Variants in GRIA3 observed in about 807,000 individuals in gnomAD.
GRIA3 encodes glutamate receptor 3.
In GRIA3, 3 loss-of-function variants were observed where a neutral mutation model predicts 63.0. The observed-to-expected ratio is 0.05, with a 90% CI of 0.02 to 0.12. GRIA3 has a LOEUF of 0.12. Among genes scored for constraint, GRIA3 ranks in the 10% least tolerant of loss-of-function variants. GRIA3 has a pLI of 1.00. For missense variants in GRIA3, 347 were observed against 700.9 expected (o/e 0.50, Z 5.70); for synonymous variants, 274 against 257.9 (o/e 1.06, Z -0.60).
intron 2 of GRIA3, among the ~76,000 whole-genome samples, chrX:123,219,468 A>G (rs1414740316): frequency 3.6e-5 from 4 of 112,376 alleles, no homozygotes; most frequent in Non-Finnish European, 7.5e-5. Context: ...TGTATATGGG[A>G]AGGGCAATAC....
At chrX:123,441,267 G>T (rs2045672492) in intron 12 of GRIA3, among the ~76,000 whole-genome samples, 1 of 111,940 alleles carries the variant, frequency 8.9e-6, no homozygotes, top group African/African-American at 3.2e-5. Context: ...TTTCTCTAGT[G>T]TTCACATTAA....
chrX:123,377,179 G>A (rs1001864740), intron 5 of GRIA3, among the ~76,000 whole-genome samples: 11 of 110,451 alleles, frequency 1.0e-4, no homozygotes, highest in Non-Finnish European at 1.9e-4. Context: ...CTTGTGATCC[G>A]CCCGCCTCGG....
chrX:123,215,259 C>T (rs1353057358), intron 2 of GRIA3, among the ~76,000 whole-genome samples: 1 of 111,694 alleles, frequency 9.0e-6, no homozygotes, highest in African/African-American at 3.3e-5. Flanking sequence ...GGTAGATATG[C>T]TCTCCCACTT....
chrX:123,205,977 C>T (rs1268414274), intron 2 of GRIA3, among the ~76,000 whole-genome samples: 1 of 111,635 alleles, frequency 9.0e-6, no homozygotes, highest in Non-Finnish European at 1.9e-5. Context: ...TATGCCAGTG[C>T]TTTACTGTGT....
intron 5 of GRIA3, among the ~76,000 whole-genome samples, chrX:123,357,674 C>T (rs765871781): frequency 1.1e-4 from 12 of 110,296 alleles, no homozygotes; most frequent in Non-Finnish European, 2.1e-4. Context: ...ATCACTAGGA[C>T]AACGTTGGGA....
chrX:123,318,548 T>C (rs773966847), intron 3 of GRIA3, among the ~76,000 whole-genome samples: 2 of 112,084 alleles, frequency 1.8e-5, no homozygotes, highest in South Asian at 7.6e-4. Context: ...AAGGGCAAAA[T>C]GCCACCAGTC....
chrX:123,247,758 T>A (rs2044367254), intron 2 of GRIA3, among the ~76,000 whole-genome samples: 1 of 110,031 alleles, frequency 9.1e-6, no homozygotes, highest in Non-Finnish European at 1.9e-5. Flanking sequence ...AAGAAATGGA[T>A]AGGAAAAGTG....
chrX:123,276,352 G>A (rs1006331052), intron 3 of GRIA3, among the ~76,000 whole-genome samples: 1 of 111,633 alleles, frequency 9.0e-6, no homozygotes, highest in Admixed American at 9.5e-5. Flanking sequence ...ATATCTAGGT[G>A]ATGATTTTGA....
chrX:123,373,112 G>A (rs1430813666), intron 5 of GRIA3, among the ~76,000 whole-genome samples: 12 of 109,592 alleles, frequency 1.1e-4, no homozygotes, highest in African/African-American at 3.0e-4. Context: ...GAGAATATGC[G>A]GTGTTTGGTT....
At chrX:123,280,125 C>T (rs1255813639) in intron 3 of GRIA3, among the ~76,000 whole-genome samples, 1 of 111,602 alleles carries the variant, frequency 9.0e-6, no homozygotes. Flanking sequence ...AGATCAGCAG[C>T]TCACACTTCA....
At chrX:123,408,647 C>T (rs998140520) in intron 10 of GRIA3, among the ~76,000 whole-genome samples, 1 of 111,788 alleles carries the variant, frequency 8.9e-6, no homozygotes, top group African/African-American at 3.3e-5. Context: ...AAAAGTGTTC[C>T]CATAGGAACC....
intron 5 of GRIA3, among the ~76,000 whole-genome samples, chrX:123,356,482 T>C (rs1205255403): frequency 2.7e-5 from 3 of 111,510 alleles, no homozygotes; most frequent in African/African-American, 6.5e-5. Context: ...CACGCAAACT[T>C]TTTTATTTTA....
chrX:123,347,724 A>G, intron 4 of GRIA3, among the ~76,000 whole-genome samples: 1 of 112,567 alleles, frequency 8.9e-6, no homozygotes. Context: ...AGTAAATGGC[A>G]GGATTTAAAT....
chrX:123,381,941 A>G (rs1463996359), intron 5 of GRIA3, among the ~76,000 whole-genome samples: 1 of 111,975 alleles, frequency 8.9e-6, no homozygotes, highest in Non-Finnish European at 1.9e-5. Flanking sequence ...GTTCTGCTGC[A>G]TTAGTGTTTC....
chrX:123,194,985 C>A (rs777461077), intron 2 of GRIA3, among the ~76,000 whole-genome samples: 1 of 112,794 alleles, frequency 8.9e-6, no homozygotes, highest in South Asian at 3.7e-4. Context: ...AAACAGAATG[C>A]TCTTTGAGAT....
intron 4 of GRIA3, among the ~76,000 whole-genome samples, chrX:123,328,900 C>G (rs2044922905): frequency 8.9e-6 from 1 of 112,127 alleles, no homozygotes; most frequent in Admixed American, 9.4e-5. Context: ...AACAAATGAT[C>G]TAAATTAAGC....
intron 2 of GRIA3, among the ~76,000 whole-genome samples, chrX:123,240,040 A>G (rs760432817): frequency 2.7e-5 from 3 of 111,822 alleles, no homozygotes; most frequent in Non-Finnish European, 5.7e-5. Context: ...GGTGTAGGGG[A>G]TTTGTGGGAG....
rs915281924 is a variant in GRIA3 at position 123,255,071 on chromosome X, G to T, written c.508+1529G>T. On this transcript the variant is annotated intron_variant, in intron 3 of 15. Coordinates refer to ENST00000620443, the MANE Select transcript of GRIA3 (RefSeq NM_007325.5). ...TTTCAAGGGGGTGTGTACAGAAAAA[G>T]ATACTTATAAAGCAATTCATGAACA... Among the ~76,000 whole-genome samples, 6 of 112,084 alleles carry T rather than the reference G, an allele frequency of 5.4e-5. No homozygotes were observed. In the Admixed American group the frequency reaches 5.7e-4, roughly 11 times the overall value.
At chrX:123,354,838 C>A in intron 4 of GRIA3, 72 bp from the exon 5 acceptor site, 2 of 737,841 alleles carry the variant, frequency 2.7e-6, no homozygotes, top group Non-Finnish European at 4.3e-6. Context: ...TTTGTTCTAG[C>A]CACCCCACTG....
Sources: gnomAD v4.1 joint callset for allele counts (sites outside exome capture counted in the v4.1 genomes callset) on GRCh38, gnomAD v4.1.1 for gene constraint, MANE v1.5 for transcripts, NCBI Gene and HGNC (gene_info 2026-07-23, HGNC 2026-07-21) for gene names.